Variants in ANKRD17 observed in about 807,000 individuals in gnomAD.
ANKRD17 encodes ankyrin repeat domain-containing protein 17.
Under a neutral mutation model 229.7 loss-of-function variants are expected in ANKRD17, and 19 were observed. That is an observed-to-expected ratio of 0.08 (90% confidence interval 0.06 to 0.12). ANKRD17 has a LOEUF of 0.12. ANKRD17 is among the 10% of genes least tolerant of loss of function. The pLI, the probability that ANKRD17 is intolerant of heterozygous loss-of-function variation, is 1.00. For missense variants in ANKRD17, 2,176 were observed against 3,176.8 expected (o/e 0.68, Z 7.57); for synonymous variants, 1,112 against 1,146.1 (o/e 0.97, Z 0.60).
chr4:73,141,280 T>C lies in ANKRD17; in HGVS notation c.2332+461A>G, dbSNP rs17179238. ...AATTCTAGAGAAATAAACAAGCATA[T>C]CTCAAGTAACTGAATTATTGGTTGA... On this transcript the variant is annotated intron_variant, in intron 14 of 33. Coordinates refer to ENST00000358602, the MANE Select transcript of ANKRD17 (RefSeq NM_032217.5). 3.7e-3 allele frequency among the ~76,000 whole-genome samples: 570 copies of C among 152,264 alleles called. 1 individual carries two copies. Among genetic ancestry groups the C allele is most frequent in the Non-Finnish European group, 5.7e-3 (389 of 68,016 alleles).
chr4:73,085,109 T>C, intron 30 of ANKRD17, 140 bp downstream of exon 30: 1 of 875,280 alleles, frequency 1.1e-6, no homozygotes, highest in Non-Finnish European at 1.8e-6. Context: ...TTTAAATACC[T>C]AGAAATTTTT....
intron 13 of ANKRD17, among the ~76,000 whole-genome samples, 174 bp downstream of exon 13, chr4:73,142,068 A>T (rs1560584949): frequency 6.6e-6 from 1 of 152,192 alleles, no homozygotes; most frequent in African/African-American, 2.4e-5. Context: ...GCATAATCAT[A>T]TCATCTAGGA....
chr4:73,258,105 C>T (rs1263894296), intron 1 of ANKRD17, among the ~76,000 whole-genome samples, 171 bp downstream of exon 1: 1 of 152,046 alleles, frequency 6.6e-6, no homozygotes, highest in Non-Finnish European at 1.5e-5. Context: ...TACCCTCCCC[C>T]ACATTCCCAC....
intron 2 of ANKRD17, among the ~76,000 whole-genome samples, chr4:73,167,866 A>C (rs1456844518): frequency 6.6e-6 from 1 of 152,158 alleles, no homozygotes; most frequent in Non-Finnish European, 1.5e-5. Context: ...AAATATTTAA[A>C]TACCGGTTGG....
At chr4:73,101,024 T>C (rs1192551844) in intron 25 of ANKRD17, 3 of 957,802 alleles carry the variant, frequency 3.1e-6, no homozygotes, top group South Asian at 4.8e-5. Flanking sequence ...ACTATTTACA[T>C]AGCATTTGCG....
chr4:73,085,131 G>T, intron 30 of ANKRD17, 118 bp downstream of exon 30: 1 of 1,122,988 alleles, frequency 8.9e-7, no homozygotes, highest in South Asian at 1.7e-5. Context: ...TGAAATTCCA[G>T]ACTTCTAAGA....
intron 2 of ANKRD17, 88 bp downstream of exon 2, chr4:73,177,292 A>G (rs574824566): frequency 4.8e-6 from 6 of 1,240,590 alleles, no homozygotes; most frequent in East Asian, 5.0e-5. Flanking sequence ...TAAATACCCA[A>G]TATCATTCAT....
chr4:73,077,062 C>T lies in ANKRD17; in HGVS notation c.7630G>A (p.Val2544Ile), dbSNP rs1280207479. The stretch of plus-strand genomic sequence containing the variant: ...CCAGCACCATCAGGGATAGGTGCTA[C>T]TGGAGGAATCATTGCATTCCCATAC... ...SVYGNAMIPP[V>I]APIPDGAGGP... The change falls in exon 33 of 34, where the codon GTA (valine) becomes ATA (isoleucine). Residue 2544 changes from valine to isoleucine, a missense_variant. Transcript: ENST00000358602. The T allele has an allele frequency of 6.2e-7, 1 of 1,611,084 alleles. No individual in the cohort carries two copies. The highest frequency in any genetic ancestry group is 8.5e-7 in the Non-Finnish European group (1 of 1,179,024).
chr4:73,099,995 G>A (rs1164426465), intron 25 of ANKRD17, among the ~76,000 whole-genome samples: 1 of 151,994 alleles, frequency 6.6e-6, no homozygotes, highest in East Asian at 1.9e-4. Flanking sequence ...TCCTCAGAAG[G>A]GGCACCAATA....
chr4:73,208,935 G>C (rs1739877721), intron 1 of ANKRD17, among the ~76,000 whole-genome samples: 1 of 152,122 alleles, frequency 6.6e-6, no homozygotes, highest in South Asian at 2.1e-4. Context: ...AAATAGGCTG[G>C]GCGCGGTGGC....
intron 16 of ANKRD17, among the ~76,000 whole-genome samples, chr4:73,130,652 T>C (rs1251302579): frequency 3.3e-5 from 5 of 151,374 alleles, no homozygotes; most frequent in Non-Finnish European, 7.4e-5. Flanking sequence ...AATAAGGTAC[T>C]CCAAGTTCAA....
intron 14 of ANKRD17, among the ~76,000 whole-genome samples, 169 bp downstream of exon 14, chr4:73,141,572 T>C (rs967447130): frequency 6.6e-6 from 1 of 152,210 alleles, no homozygotes; most frequent in Non-Finnish European, 1.5e-5. Flanking sequence ...GTAGCACAAA[T>C]TAGTGCTATT....
chr4:73,181,996 C>T (rs1404113456), intron 1 of ANKRD17, among the ~76,000 whole-genome samples: 5 of 116,432 alleles, frequency 4.3e-5, no homozygotes, highest in Admixed American at 1.3e-4. Flanking sequence ...TGCAGTGAGC[C>T]GAGATCGAGC....
At chr4:73,248,516 A>G (rs1744705942) in intron 1 of ANKRD17, among the ~76,000 whole-genome samples, 1 of 151,942 alleles carries the variant, frequency 6.6e-6, no homozygotes, top group South Asian at 2.1e-4. Context: ...CCCTTATAAT[A>G]CCTAGGTAAT....
intron 5 of ANKRD17, among the ~76,000 whole-genome samples, 190 bp downstream of exon 5, chr4:73,155,441 A>C (rs1034177965): frequency 6.6e-6 from 1 of 152,232 alleles, no homozygotes; most frequent in African/African-American, 2.4e-5. Flanking sequence ...TTGCCCTCAT[A>C]AACAAAACAG....
intron 1 of ANKRD17, among the ~76,000 whole-genome samples, chr4:73,246,081 CAAACAAGAAAG>C (rs369871159): frequency 3.3e-5 from 5 of 152,190 alleles, no homozygotes; most frequent in African/African-American, 1.2e-4. Context: ...AGGAAGATAA[CAAACAAGAAAG>C]AATCATCTAA....
At chr4:73,254,739 G>C (rs1355580354) in intron 1 of ANKRD17, among the ~76,000 whole-genome samples, 1 of 150,588 alleles carries the variant, frequency 6.6e-6, no homozygotes, top group African/African-American at 2.5e-5. Flanking sequence ...TTGCACTCCA[G>C]CCTGGGCAAC....
intron 1 of ANKRD17, among the ~76,000 whole-genome samples, chr4:73,203,173 G>A (rs1738905321): frequency 6.6e-6 from 1 of 152,100 alleles, no homozygotes; most frequent in African/African-American, 2.4e-5. Flanking sequence ...AACCCTGTGG[G>A]AGTTTCTATG....
At chr4:73,178,949 A>G (rs1735088088) in intron 1 of ANKRD17, among the ~76,000 whole-genome samples, 1 of 152,126 alleles carries the variant, frequency 6.6e-6, no homozygotes, top group Non-Finnish European at 1.5e-5. Flanking sequence ...TAACACTGCA[A>G]TAACCAAAAT....
Sources: gnomAD v4.1 joint callset for allele counts (sites outside exome capture counted in the v4.1 genomes callset) on GRCh38, gnomAD v4.1.1 for gene constraint, MANE v1.5 for transcripts, NCBI Gene and HGNC (gene_info 2026-07-23, HGNC 2026-07-21) for gene names.